Variants in IGSF9B observed in about 807,000 individuals in gnomAD.
IGSF9B encodes the protein immunoglobulin superfamily member 9B, also known as protein turtle homolog B.
In IGSF9B, 48 loss-of-function variants were observed where a neutral mutation model predicts 143.7. The observed-to-expected ratio is 0.33, with a 90% CI of 0.26 to 0.42. IGSF9B has a LOEUF of 0.42. Among genes scored for constraint, IGSF9B ranks in the 20% least tolerant of loss-of-function variants. The pLI, the probability that IGSF9B is intolerant of heterozygous loss-of-function variation, is 1.00. For missense variants in IGSF9B, 1,706 were observed against 1,980.0 expected, an observed-to-expected ratio of 0.86 and a Z score of 2.63; for synonymous variants, 903 against 833.1, an observed-to-expected ratio of 1.08 and a Z score of -1.44.
chr11:133,937,706 C>T (rs1939851026), intron 4 of IGSF9B, 104 bp downstream of exon 4: 2 of 1,388,724 alleles, frequency 1.4e-6, no homozygotes, highest in African/African-American at 2.9e-5. Flanking sequence ...TTCCAGCCTC[C>T]TCTGTGCTTG....
rs148205886 is a variant in IGSF9B at position 133,949,952 on chromosome 11, GGT to G, written c.65-3696_65-3695del. On this transcript the variant is annotated intron_variant, in intron 1 of 19. Coordinates refer to ENST00000533871, the MANE Select transcript of IGSF9B (RefSeq NM_001277285.4). ...GAACCTAGTAAATCTGTATCTTGGGGGTGTGTCCAGCTCCCTTTGGAGCAGTT... is the reference window on the plus strand; with the variant it reads ...GAACCTAGTAAATCTGTATCTTGGGGGTGTCCAGCTCCCTTTGGAGCAGTT... Among the ~76,000 whole-genome samples, 86 of 152,346 alleles carry G rather than the reference GGT, an allele frequency of 5.6e-4. 1 individual carries two copies. In the East Asian group the frequency reaches 0.016, roughly 28 times the overall value.
At chr11:133,938,677 C>A (rs116719112) in intron 3 of IGSF9B, among the ~76,000 whole-genome samples, 341 of 152,288 alleles carry the variant, frequency 2.2e-3, no homozygotes, top group African/African-American at 7.5e-3. Flanking sequence ...ACCCCTTGGA[C>A]TATCAGTTCC....
chr11:133,925,619 G>A, intron 14 of IGSF9B, 120 bp downstream of exon 14: 1 of 712,976 alleles, frequency 1.4e-6, no homozygotes, highest in East Asian at 2.7e-5. Context: ...GTGGTGAGGA[G>A]GTACAGGATG....
rs756264444 is a variant in IGSF9B at position 133,944,295 on chromosome 11, C to T, written c.334G>A (p.Glu112Lys). 6.2e-7 allele frequency: 1 copy of T among 1,613,914 alleles called. No individual in the cohort carries two copies. Among genetic ancestry groups the T allele is most frequent in the Non-Finnish European group, 8.5e-7 (1 of 1,179,846 alleles). Residue 112 changes from glutamate to lysine, a missense_variant, in exon 3 of 20, where the codon GAG becomes AAG. This residue lies in a region of IGSF9B where 171 missense variants were observed against 213.9 expected (regional missense o/e 0.80). Coordinates refer to ENST00000533871, the MANE Select transcript of IGSF9B (RefSeq NM_001277285.4). Reference sequence around the variant, plus strand: ...TGGTCCAGCATGAGCACTTTGCACTCATACCAGCCCTGGTCCTCAGAGCGA... The same window carrying T: ...TGGTCCAGCATGAGCACTTTGCACTTATACCAGCCCTGGTCCTCAGAGCGA... ...QVRSEDQGWY[E>K]CKVLMLDQQY...
rs780340792 is a variant in IGSF9B, at chr11:133,920,270, G to A, written c.3455C>T (p.Pro1152Leu). ...GCCGCCGTGCGCCCCCGGCTCAGCC[G>A]GCTCGGGGTAAGGCAGCACAGGTAT... ...MGIPVLPYPE[P>L]AEPGAHGGPS... The change falls in exon 18 of 20, where the codon CCG (proline) becomes CTG (leucine). Residue 1152 changes from proline to leucine, a missense_variant. Around this residue, in one of 7 missense-constraint regions of IGSF9B, gnomAD observed 880 missense variants for 762.9 expected, o/e 1.15. Transcript: ENST00000533871. The A allele has an allele frequency of 2.6e-6, 4 of 1,520,644 alleles. No individual in the cohort carries two copies. The Admixed American group carries it at 6.7e-5, about 25-fold the overall frequency. The allele number at this position is 1,520,644 out of a possible 1,614,324, so 94.2% of individuals were successfully genotyped here. A position where few individuals can be genotyped will look rare whatever the true frequency, so the allele number is the denominator to read the frequency against.
Position 133,898,661 on chromosome 11 carries a change from G to C in IGSF9B, c.*10408C>G, listed in dbSNP as rs971744088. Reference sequence around the variant, plus strand: ...AAGACCTTCTGACACTGATACAGACGACTTAGCAAGTGGAGCGTTAAACTG... The same window carrying C: ...AAGACCTTCTGACACTGATACAGACCACTTAGCAAGTGGAGCGTTAAACTG... On this transcript the variant is annotated 3_prime_UTR_variant, in exon 20 of 20. Coordinates refer to ENST00000533871, the MANE Select transcript of IGSF9B (RefSeq NM_001277285.4). 1 of 154,142 alleles carries C rather than the reference G, an allele frequency of 6.5e-6. No homozygotes were observed. Among genetic ancestry groups the C allele is most frequent in the Admixed American group, 6.5e-5 (1 of 15,280 alleles). 9.5% of individuals were successfully genotyped at this position (154,142 alleles called of 1,614,324 possible).
intron 13 of IGSF9B, 130 bp from the exon 14 acceptor site, chr11:133,926,095 C>T: frequency 1.5e-6 from 1 of 660,748 alleles, no homozygotes. Context: ...CCCAGGGCTT[C>T]AGGGTTCTGC....
chr11:133,914,196 G>A (rs971612170), intron 18 of IGSF9B, among the ~76,000 whole-genome samples: 27 of 152,158 alleles, frequency 1.8e-4, no homozygotes, highest in African/African-American at 6.3e-4. Context: ...AAACCTAAGA[G>A]GTAGATACTA....
chr11:133,918,945 CA>C, intron 18 of IGSF9B: 2 of 463,586 alleles, frequency 4.3e-6, no homozygotes, highest in Non-Finnish European at 4.4e-6. Flanking sequence ...GAAGGAGGGG[CA>C]GGGGGAGGAG....
In IGSF9B at chr11:133,937,804, A is replaced by C; in HGVS notation, c.561+6T>G. 6.2e-7 allele frequency: 1 copy of C among 1,608,676 alleles called. No individual in the cohort carries two copies. Among genetic ancestry groups the C allele is most frequent in the Non-Finnish European group, 8.5e-7 (1 of 1,177,406 alleles). ...CGCAGCGGCCCCAACCTAGAACCAC[A>C]CTCACCTGGTATTTCCCACTAGCAC... On this transcript the variant is annotated splice_donor_region_variant and intron_variant, in intron 4 of 19. Coordinates refer to ENST00000533871, the MANE Select transcript of IGSF9B (RefSeq NM_001277285.4).
Position 133,925,818 on chromosome 11 carries a change from CG to C in IGSF9B, c.1954del (p.Arg652ValfsTer42). 6.2e-7 allele frequency: 1 copy of C among 1,613,894 alleles called. No homozygotes were observed. Among genetic ancestry groups the C allele is most frequent in the Non-Finnish European group, 8.5e-7 (1 of 1,179,884 alleles). ...FPIDRYIMEF[R>X]VAERWELLDD... Reference sequence around the variant, plus strand: ...GAGCAACTCCCAGCGCTCTGCGACACGGAACTCCATGATGTAGCGGTCGATG... The same window carrying C: ...GAGCAACTCCCAGCGCTCTGCGACACGAACTCCATGATGTAGCGGTCGATG... On this transcript the variant is annotated frameshift_variant, in exon 14 of 20. Coordinates refer to ENST00000533871, the MANE Select transcript of IGSF9B (RefSeq NM_001277285.4). LOFTEE classifies it high-confidence loss of function.
chr11:133,954,933 T>G (rs1018506375), intron 1 of IGSF9B, among the ~76,000 whole-genome samples: 2 of 152,230 alleles, frequency 1.3e-5, no homozygotes, highest in African/African-American at 4.8e-5. Flanking sequence ...CCTTCTATCT[T>G]GCGATTCTGC....
At chr11:133,932,936 A>T (rs1939761054) in intron 7 of IGSF9B, among the ~76,000 whole-genome samples, 1 of 107,440 alleles carries the variant, frequency 9.3e-6, no homozygotes, top group Non-Finnish European at 2.0e-5. Context: ...GACACAGGGA[A>T]GCCAGGTGGG....
chr11:133,955,620 G>A (rs1004432724), intron 1 of IGSF9B, among the ~76,000 whole-genome samples: 42 of 152,284 alleles, frequency 2.8e-4, no homozygotes, highest in Admixed American at 1.4e-3. Context: ...GCCCGCAGCC[G>A]GGTCGTGTCT....
chr11:133,955,989 G>A (rs1211974673), intron 1 of IGSF9B, among the ~76,000 whole-genome samples: 2 of 151,912 alleles, frequency 1.3e-5, no homozygotes, highest in South Asian at 2.1e-4. Context: ...CGCTCCCGGG[G>A]AACTTTTGCC....
intron 18 of IGSF9B, among the ~76,000 whole-genome samples, chr11:133,915,396 G>C (rs1231980430): frequency 6.7e-6 from 1 of 150,094 alleles, no homozygotes; most frequent in African/African-American, 2.5e-5. Flanking sequence ...AGCCCCCCAA[G>C]GAGCTGGGAC....
rs1939486976 is a variant in IGSF9B, at chr11:133,920,034, G to A, written c.3691C>T (p.Gln1231Ter). ...RARPRPGLLQ[Q>*]AEMSEITLQP... ...AGGGTGATCTCTGACATCTCTGCCT[G>A]CTGCAGGAGGCCCGGGCGAGGCCGG... The change falls in exon 18 of 20, where the codon CAG (glutamine) becomes TAG (stop). Residue 1231 changes from glutamine (Q) to a stop codon, truncating the protein, a stop_gained. Transcript: ENST00000533871. LOFTEE classifies it high-confidence loss of function. The A allele has an allele frequency of 6.3e-7, 1 of 1,575,612 alleles. No individual in the cohort carries two copies. Among genetic ancestry groups the A allele is most frequent in the Non-Finnish European group, 8.6e-7 (1 of 1,161,728 alleles).
At position 133,913,810 on chromosome 11, in the gene IGSF9B, C is replaced by T. The variant is rs1939337794; in HGVS notation, c.3984-1803G>A. ...TGGATAGCACATCCTCACCCCTTCT[C>T]ATCCTCAACTGAGGCTTCTTCATGC... On this transcript the variant is annotated intron_variant, in intron 18 of 19. Coordinates refer to ENST00000533871, the MANE Select transcript of IGSF9B (RefSeq NM_001277285.4). This position sits in a 1 kb window ranked among gnomAD's most constrained non-coding sequence, Gnocchi z 4.6. Among the ~76,000 whole-genome samples the T allele has an allele frequency of 6.6e-6, 1 of 152,220 alleles. No individual in the cohort carries two copies.
rs147509323 is a variant in IGSF9B, at chr11:133,932,358, GGACA to G, written c.968-149_968-146del. The stretch of plus-strand genomic sequence containing the variant: ...CAGACAGACAGACAGACAGACACAG[GGACA>G]GACAGACAGACACGGGGACAGACAG... On this transcript the variant is annotated intron_variant, in intron 7 of 19. Transcript: ENST00000533871. 1.2e-3 allele frequency: 1,025 copies of G among 837,234 alleles called. 9 individuals are homozygous for G. Among genetic ancestry groups the G allele is most frequent in the East Asian group, 0.011 (387 of 36,666 alleles). 51.9% of individuals were successfully genotyped at this position (837,234 alleles called of 1,614,324 possible). A position where few individuals can be genotyped will look rare whatever the true frequency, so the allele number is the denominator to read the frequency against.
Sources: gnomAD v4.1 joint callset for allele counts (sites outside exome capture counted in the v4.1 genomes callset) on GRCh38, gnomAD v4.1.1 for gene constraint, gnomAD v4.1.1 regional missense constraint, Gnocchi (gnomAD v3.1) non-coding constraint, MANE v1.5 for transcripts, NCBI Gene and HGNC (gene_info 2026-07-23, HGNC 2026-07-21) for gene names.